The following TMEM272 variants were observed in gnomAD, a reference collection of about 807,000 sequenced individuals.
TMEM272 encodes long intergenic non-protein coding RNA 282.
In TMEM272, 8 loss-of-function variants were observed where a neutral mutation model predicts 3.7. That is an observed-to-expected ratio of 2.17 (90% confidence interval 1.27 to 3.91). The LOEUF is 3.91. Ranked by LOEUF, TMEM272 falls within the 30% of genes most tolerant of loss-of-function variation. The probability of loss-of-function intolerance (pLI) is 0.00; values close to 1 mark genes in which losing one functional copy is unlikely to be tolerated. For synonymous variants in TMEM272, 63 were observed against 39.8 expected, an observed-to-expected ratio of 1.58 and a Z score of -2.20; for missense variants, 166 against 91.5, an observed-to-expected ratio of 1.81 and a Z score of -3.32.
chr13:51,875,425 C>A, the TMEM272 span, among the ~76,000 whole-genome samples: 3 of 152,274 alleles, frequency 2.0e-5, no homozygotes, highest in African/African-American at 7.2e-5. Context: ...GACATACCTG[C>A]TTCTTTAGCA....
the TMEM272 span, among the ~76,000 whole-genome samples, chr13:51,857,193 G>A: frequency 6.6e-6 from 1 of 151,560 alleles, no homozygotes; most frequent in African/African-American, 2.4e-5. Context: ...TTACACAGCA[G>A]TGGAAACACA....
intron 1 of TMEM272, among the ~76,000 whole-genome samples, chr13:51,841,236 C>G (rs1019921322): frequency 6.6e-6 from 1 of 152,216 alleles, no homozygotes; most frequent in East Asian, 1.9e-4. Flanking sequence ...CTTCACATAA[C>G]AGGGAGAGTG....
At chr13:51,851,500 C>G in the TMEM272 span, among the ~76,000 whole-genome samples, 1 of 148,342 alleles carries the variant, frequency 6.7e-6, no homozygotes, top group African/African-American at 2.5e-5. Flanking sequence ...TCCAAATCAG[C>G]ACGAAAAGAC....
intron 3 of TMEM272, among the ~76,000 whole-genome samples, chr13:51,825,214 C>T (rs1956113866): frequency 6.6e-6 from 1 of 152,218 alleles, no homozygotes; most frequent in Non-Finnish European, 1.5e-5. Context: ...CCCCAGACTA[C>T]TTGGCTGTTT....
the TMEM272 span, among the ~76,000 whole-genome samples, chr13:51,852,895 A>G: frequency 6.6e-6 from 1 of 151,850 alleles, no homozygotes; most frequent in Non-Finnish European, 1.5e-5. Flanking sequence ...AAAAAAAAAA[A>G]AATACAGTTG....
chr13:51,896,891 C>A, the TMEM272 span, among the ~76,000 whole-genome samples: 6 of 152,296 alleles, frequency 3.9e-5, no homozygotes, highest in African/African-American at 1.4e-4. Flanking sequence ...GGGTAGGACC[C>A]AGGCAGGTAT....
At chr13:51,848,289 A>G (rs1956316426), upstream of TMEM272, among the ~76,000 whole-genome samples, 1 of 152,198 alleles carries the variant, frequency 6.6e-6, no homozygotes. Flanking sequence ...GATGAGTAGC[A>G]TAAGGTACAG....
intron 2 of TMEM272, among the ~76,000 whole-genome samples, chr13:51,833,470 C>T (rs1368320875): frequency 6.6e-6 from 1 of 152,072 alleles, no homozygotes; most frequent in Non-Finnish European, 1.5e-5. Context: ...GTGGCTGTTT[C>T]ATAACTCAGC....
At chr13:51,909,662 A>C in the TMEM272 span, 1 of 1,528,642 alleles carries the variant, frequency 6.5e-7, no homozygotes, top group South Asian at 1.1e-5. Flanking sequence ...CATTTAACTT[A>C]GCAGCATGAA....
chr13:51,821,060 G>A (rs1956074543), intron 4 of TMEM272, among the ~76,000 whole-genome samples: 1 of 152,204 alleles, frequency 6.6e-6, no homozygotes, highest in East Asian at 1.9e-4. Flanking sequence ...TGATGTCTTA[G>A]ATCAACAGCA....
the TMEM272 span, among the ~76,000 whole-genome samples, chr13:51,880,370 AATT>A: frequency 3.9e-5 from 6 of 152,310 alleles, no homozygotes; most frequent in Admixed American, 2.6e-4. Flanking sequence ...GAACCTGTAT[AATT>A]ATGAGTCTCC....
the TMEM272 span, among the ~76,000 whole-genome samples, chr13:51,882,131 C>T: frequency 6.6e-6 from 1 of 152,290 alleles, no homozygotes; most frequent in Non-Finnish European, 1.5e-5. Context: ...GTTGGGATTG[C>T]ATAAATTAGC....
chr13:51,897,151 C>T, the TMEM272 span, among the ~76,000 whole-genome samples: 1 of 152,218 alleles, frequency 6.6e-6, no homozygotes, highest in Non-Finnish European at 1.5e-5. Flanking sequence ...TTTCAGAAAC[C>T]CAAATCTTTT....
upstream of TMEM272, among the ~76,000 whole-genome samples, chr13:51,847,964 T>C (rs1040267053): frequency 1.3e-5 from 2 of 152,146 alleles, no homozygotes; most frequent in African/African-American, 4.8e-5. Flanking sequence ...ACTGTACTTA[T>C]GAGTACAGAA....
At chr13:51,916,683 A>G in the TMEM272 span, among the ~76,000 whole-genome samples, 2 of 152,304 alleles carry the variant, frequency 1.3e-5, no homozygotes, top group African/African-American at 4.8e-5. Flanking sequence ...AGAGCCCCTC[A>G]GGGTCACCTC....
the TMEM272 span, among the ~76,000 whole-genome samples, chr13:51,887,871 C>T: frequency 2.0e-5 from 3 of 152,190 alleles, no homozygotes; most frequent in Admixed American, 2.0e-4. Context: ...AGTTCATCTG[C>T]CTCCTGCTCT....
chr13:51,930,875 T>A, the TMEM272 span, among the ~76,000 whole-genome samples: 1 of 152,104 alleles, frequency 6.6e-6, no homozygotes, highest in Non-Finnish European at 1.5e-5. Flanking sequence ...ATAAAAAAGG[T>A]TTTATTTATT....
the TMEM272 span, among the ~76,000 whole-genome samples, chr13:51,922,925 A>G: frequency 6.6e-6 from 1 of 152,134 alleles, no homozygotes; most frequent in African/African-American, 2.4e-5. Flanking sequence ...GGCCACCCAC[A>G]TGGTCCAGGA....
At chr13:51,842,100 A>C (rs1320200442) in intron 1 of TMEM272, among the ~76,000 whole-genome samples, 2 of 152,222 alleles carry the variant, frequency 1.3e-5, no homozygotes, top group African/African-American at 2.4e-5. Context: ...CTACGTAAAC[A>C]CATAGAAAAA....
Sources: gnomAD v4.1 joint callset for allele counts (sites outside exome capture counted in the v4.1 genomes callset) on GRCh38, gnomAD v4.1.1 for gene constraint, MANE v1.5 for transcripts, NCBI Gene and HGNC (gene_info 2026-07-23, HGNC 2026-07-21) for gene names.